Variants in IFI16 observed in about 807,000 individuals in gnomAD.
The protein encoded by IFI16 is interferon gamma inducible protein 16.
IFI16 carries 49 observed loss-of-function variants against 68.4 expected under a neutral mutation model. That is an observed-to-expected ratio of 0.72 (90% CI 0.57 to 0.91). The LOEUF is 0.91. IFI16 is among the 40% of genes least tolerant of loss of function. The pLI is 0.00. For missense variants in IFI16, 878 were observed against 942.9 expected (o/e 0.93, Z 0.90); for synonymous variants, 307 against 315.0 (o/e 0.97, Z 0.27).
chr1:159,023,492 A>C (rs1653466821), intron 6 of IFI16, among the ~76,000 whole-genome samples: 1 of 152,238 alleles, frequency 6.6e-6, no homozygotes. Context: ...CATGGATTTA[A>C]ACTCTGCAGC....
intron 7 of IFI16, among the ~76,000 whole-genome samples, chr1:159,040,508 CAA>C (rs1481776177): frequency 6.6e-6 from 1 of 152,122 alleles, no homozygotes; most frequent in Non-Finnish European, 1.5e-5. Context: ...AAACACTGAA[CAA>C]AAAGTTTTAT....
chr1:159,013,874 C>A (rs1406995246), intron 1 of IFI16, among the ~76,000 whole-genome samples: 1 of 151,870 alleles, frequency 6.6e-6, no homozygotes, highest in Admixed American at 6.6e-5. Flanking sequence ...GTATAGGAAG[C>A]AAGGAATTTT....
At chr1:159,052,888 C>G (rs1176629348) in intron 10 of IFI16, 1 of 152,140 alleles carries the variant, frequency 6.6e-6, no homozygotes, top group Admixed American at 6.6e-5. Context: ...CTCCATTATA[C>G]ATGTCTTCTA....
chr1:159,047,303 T>G (rs1460638983), intron 8 of IFI16, among the ~76,000 whole-genome samples: 1 of 150,490 alleles, frequency 6.6e-6, no homozygotes, highest in Non-Finnish European at 1.5e-5. Context: ...CAAGATTTCA[T>G]ATTTCCCCCT....
upstream of IFI16, among the ~76,000 whole-genome samples, chr1:159,003,463 C>T (rs1471268713): frequency 2.0e-5 from 3 of 152,084 alleles, no homozygotes; most frequent in African/African-American, 7.2e-5. Context: ...TAAAGGAGCT[C>T]GATCTCTGTT....
At chr1:159,053,446 A>G in intron 10 of IFI16, 87 bp from the exon 11 acceptor site, 3 of 958,814 alleles carry the variant, frequency 3.1e-6, no homozygotes, top group Non-Finnish European at 4.8e-6. Context: ...ATCAAAGACA[A>G]AAGTTTCCAG....
intron 1 of IFI16, among the ~76,000 whole-genome samples, chr1:159,013,598 T>C (rs898174947): frequency 6.6e-6 from 1 of 152,232 alleles, no homozygotes; most frequent in African/African-American, 2.4e-5. Context: ...TGTACAGGTG[T>C]TAAGAGGTCA....
intron 1 of IFI16, among the ~76,000 whole-genome samples, chr1:159,011,537 G>A (rs551681473): frequency 4.9e-4 from 75 of 151,870 alleles, no homozygotes; most frequent in Non-Finnish European, 9.3e-4. Flanking sequence ...GTCTGTACAT[G>A]TGTGTATATG....
intron 6 of IFI16, among the ~76,000 whole-genome samples, chr1:159,026,933 G>C (rs188802795): frequency 7.9e-5 from 12 of 152,224 alleles, no homozygotes; most frequent in Non-Finnish European, 1.6e-4. Flanking sequence ...CTTTTTGAAT[G>C]AGTCTTTAGG....
intron 11 of IFI16, 47 bp from the exon 12 acceptor site, chr1:159,054,774 A>C (rs775939363): frequency 1.1e-6 from 1 of 946,916 alleles, no homozygotes; most frequent in Admixed American, 1.8e-5. Context: ...GAAATGTAGG[A>C]TCATCAGCAT....
intron 10 of IFI16, 158 bp downstream of exon 10, chr1:159,052,256 G>A: frequency 1.7e-6 from 1 of 605,592 alleles, no homozygotes; most frequent in Non-Finnish European, 2.9e-6. Flanking sequence ...GTTCATTTCA[G>A]GATATGGGGT....
chr1:159,053,140 AAAC>A, intron 10 of IFI16: 2 of 157,348 alleles, frequency 1.3e-5, no homozygotes, highest in Admixed American at 6.4e-5. Context: ...ATTCTTTCTC[AAAC>A]TTACAAAGTG....
At chr1:159,016,426 C>T in intron 3 of IFI16, 107 bp from the exon 4 acceptor site, 2 of 1,081,150 alleles carry the variant, frequency 1.8e-6, no homozygotes, top group Non-Finnish European at 1.3e-6. Flanking sequence ...CTCAAGTTTC[C>T]AAGAAACATC....
chr1:159,024,444 T>C (rs546101878), intron 6 of IFI16, among the ~76,000 whole-genome samples: 38 of 152,304 alleles, frequency 2.5e-4, no homozygotes, highest in Admixed American at 6.5e-4. Flanking sequence ...GGCTGACAGT[T>C]AGAAGGGGTA....
chr1:159,006,354 G>A (rs1156789162), upstream of IFI16, among the ~76,000 whole-genome samples: 2 of 152,154 alleles, frequency 1.3e-5, no homozygotes, highest in East Asian at 3.8e-4. Context: ...GTTACAAGAA[G>A]AGCAACGGTA....
intron 1 of IFI16, among the ~76,000 whole-genome samples, chr1:159,012,083 T>G (rs1652605538): frequency 7.0e-6 from 1 of 143,498 alleles, no homozygotes; most frequent in Admixed American, 7.6e-5. Flanking sequence ...TTCTTATCTT[T>G]TGGCTGGCAG....
At chr1:159,015,604 T>G in intron 2 of IFI16, 1 of 274,436 alleles carries the variant, frequency 3.6e-6, no homozygotes, top group Admixed American at 4.8e-5. Context: ...GCACATGGAG[T>G]TCAGAGAACA....
At chr1:159,019,129 G>A (rs1461559721) in intron 5 of IFI16, among the ~76,000 whole-genome samples, 2 of 152,068 alleles carry the variant, frequency 1.3e-5, no homozygotes, top group African/African-American at 4.8e-5. Flanking sequence ...AACAAATGCA[G>A]AAAGTAGGTA....
intron 7 of IFI16, among the ~76,000 whole-genome samples, chr1:159,033,325 T>C (rs1654121833): frequency 6.6e-6 from 1 of 152,244 alleles, no homozygotes; most frequent in Admixed American, 6.5e-5. Flanking sequence ...AGAGACTTAC[T>C]TTATAATGTG....
Sources: allele counts gnomAD v4.1 joint callset (sites outside exome capture counted in the v4.1 genomes callset), GRCh38; gene constraint gnomAD v4.1.1; transcripts MANE v1.5; gene names NCBI Gene and HGNC (gene_info 2026-07-23, HGNC 2026-07-21).